RIN3: variants seen among roughly 807,000 people sequenced by gnomAD.
RIN3 encodes Ras and Rab interactor 3.
In RIN3, 54 loss-of-function variants were observed where a neutral mutation model predicts 76.3. That is an observed-to-expected ratio of 0.71 (90% confidence interval 0.57 to 0.89). RIN3 has a LOEUF of 0.89. RIN3 is among the 40% of genes least tolerant of loss of function. The pLI is 0.00. For missense variants in RIN3, 1,256 were observed against 1,322.1 expected (o/e 0.95, Z 0.78); for synonymous variants, 576 against 564.0 (o/e 1.02, Z -0.30).
At chr14:92,647,985 G>A in intron 5 of RIN3, among the ~76,000 whole-genome samples, 1 of 152,080 alleles carries the variant, frequency 6.6e-6, no homozygotes, top group Non-Finnish European at 1.5e-5. Flanking sequence ...TTGGGGACTG[G>A]ACCCCACAGC....
At chr14:92,531,439 G>T (rs1240520053) in intron 1 of RIN3, among the ~76,000 whole-genome samples, 1 of 152,196 alleles carries the variant, frequency 6.6e-6, no homozygotes, top group African/African-American at 2.4e-5. Flanking sequence ...TCTGATGGGG[G>T]CAGGTGGACA....
intron 1 of RIN3, among the ~76,000 whole-genome samples, chr14:92,546,706 G>A (rs1897274694): frequency 7.2e-6 from 1 of 139,354 alleles, no homozygotes; most frequent in African/African-American, 2.5e-5. Context: ...TTCATTCTCT[G>A]GGGAGCTTTG....
rs1410361225 is a variant in RIN3 at position 92,561,044 on chromosome 14, A to ATATATATATATAT, written c.249+5089_249+5090insTATATATATATAT. Among the ~76,000 whole-genome samples the ATATATATATATAT allele has an allele frequency of 2.3e-3, 56 of 24,380 alleles. 3 individuals are homozygous for ATATATATATATAT. The highest frequency in any genetic ancestry group is 5.6e-3 in the East Asian group (3 of 540). The allele number at this position is 24,380 out of a possible 152,430, so 16.0% of individuals were successfully genotyped here. ...CTAAAAAAAAAAAAAAAAAAAAAAA[A>ATATATATATATAT]ATATATATATATCTGCCATATATAT... is the stretch of plus-strand genomic sequence containing the variant. On this transcript the variant is annotated intron_variant, in intron 2 of 9. Transcript: ENST00000216487.
intron 4 of RIN3, among the ~76,000 whole-genome samples, chr14:92,628,324 A>T (rs1240438498): frequency 6.6e-6 from 1 of 152,208 alleles, no homozygotes; most frequent in Non-Finnish European, 1.5e-5. Context: ...TTGGGGGTCA[A>T]GCAGCATTGC....
At chr14:92,624,106 G>A (rs909625739) in intron 4 of RIN3, among the ~76,000 whole-genome samples, 2 of 152,178 alleles carry the variant, frequency 1.3e-5, no homozygotes, top group Non-Finnish European at 2.9e-5. Context: ...GACTGCGAAC[G>A]GAATATTCAA....
At chr14:92,597,128 C>T (rs1418092258) in intron 3 of RIN3, among the ~76,000 whole-genome samples, 2 of 151,814 alleles carry the variant, frequency 1.3e-5, no homozygotes, top group South Asian at 2.1e-4. Context: ...TTGCGAAAAG[C>T]ATGATGTGTG....
At chr14:92,619,830 C>A (rs1222311633) in intron 4 of RIN3, among the ~76,000 whole-genome samples, 2 of 152,106 alleles carry the variant, frequency 1.3e-5, no homozygotes, top group African/African-American at 4.8e-5. Flanking sequence ...AGAAGCGTGG[C>A]CAACTCCGCA....
chr14:92,604,909 CTTTTT>C (rs148326639), intron 3 of RIN3, among the ~76,000 whole-genome samples: 5 of 90,050 alleles, frequency 5.6e-5, no homozygotes, highest in African/African-American at 2.0e-4. Context: ...CCATTTTCCT[CTTTTT>C]TTTTTTTTTT....
chr14:92,557,043 G>A (rs1897606607), intron 2 of RIN3, among the ~76,000 whole-genome samples: 1 of 152,090 alleles, frequency 6.6e-6, no homozygotes, highest in Non-Finnish European at 1.5e-5. Context: ...CCCTCCTGCA[G>A]CCCCGTAACC....
chr14:92,555,984 G>A, intron 2 of RIN3, 29 bp downstream of exon 2: 2 of 1,592,324 alleles, frequency 1.3e-6, no homozygotes, highest in Non-Finnish European at 1.7e-6. Flanking sequence ...CACTTGGTAG[G>A]CACACACACC....
In RIN3 at chr14:92,623,225, G is replaced by T. The variant is rs1020014332; in HGVS notation, c.440+7746G>T. ...AAGACCTTGTAAAGCTTTTGTAATTGTTCCATCAGGAGCTGTATTGTTGGG... is the reference window on the plus strand; with the variant it reads ...AAGACCTTGTAAAGCTTTTGTAATTTTTCCATCAGGAGCTGTATTGTTGGG... On this transcript the variant is annotated intron_variant, in intron 4 of 9. Coordinates refer to ENST00000216487, the MANE Select transcript of RIN3 (RefSeq NM_024832.5). This position sits in a 1 kb window ranked among gnomAD's most constrained non-coding sequence, Gnocchi z 4.9. Among the ~76,000 whole-genome samples the T allele has an allele frequency of 1.3e-5, 2 of 152,182 alleles. No homozygotes were observed. The highest frequency in any genetic ancestry group is 2.9e-5 in the Non-Finnish European group (2 of 68,042).
intron 4 of RIN3, 118 bp downstream of exon 4, chr14:92,615,597 A>G: frequency 1.2e-6 from 1 of 848,072 alleles, no homozygotes; most frequent in Non-Finnish European, 2.0e-6. Flanking sequence ...GGCCCAGAGG[A>G]TGCAGAGAGA....
intron 1 of RIN3, among the ~76,000 whole-genome samples, chr14:92,535,831 C>T (rs561507819): frequency 7.0e-4 from 98 of 140,088 alleles, no homozygotes; most frequent in East Asian, 1.8e-3. Flanking sequence ...TGTGCCACCA[C>T]GCCTGGCTAC....
In RIN3 at chr14:92,685,454, C is replaced by T. The variant is rs1327827697; in HGVS notation, c.2631+304C>T. On this transcript the variant is annotated intron_variant, in intron 9 of 9. Coordinates refer to ENST00000216487, the MANE Select transcript of RIN3 (RefSeq NM_024832.5). This position sits in a 1 kb window ranked among gnomAD's most constrained non-coding sequence, Gnocchi z 4.7. ...CTTAGCCCCTCCTAGGACCCAGCAC[C>T]CTGCAGGGGCTGGAGATGGGGACTT... 11 of 308,172 alleles carry T rather than the reference C, an allele frequency of 3.6e-5. No individual in the cohort carries two copies. Among genetic ancestry groups the T allele is most frequent in the Non-Finnish European group, 5.5e-5 (9 of 162,684 alleles). 19.1% of individuals were successfully genotyped at this position (308,172 alleles called of 1,614,324 possible).
Position 92,652,837 on chromosome 14 carries a change from C to A in RIN3, c.1788C>A (p.Ser596=). 1 of 1,614,078 alleles carries A rather than the reference C, an allele frequency of 6.2e-7. No individual in the cohort carries two copies. Among genetic ancestry groups the A allele is most frequent in the East Asian group, 2.2e-5 (1 of 44,886 alleles). The part of the protein sequence containing the change: ...SFSSMFHAFL[S]NNRKLYKKVV... ...GCAGCATGTTCCACGCTTTCCTCTCCAACAACCGCAAGCTGTACAAGAAGG... is the reference window on the plus strand; with the variant it reads ...GCAGCATGTTCCACGCTTTCCTCTCAAACAACCGCAAGCTGTACAAGAAGG... The change falls in exon 6 of 10, where the codon TCC becomes TCA. Residue 596 remains serine, a synonymous_variant. Transcript: ENST00000216487. The surrounding 1 kb of genome is among the most constrained non-coding windows in gnomAD (Gnocchi z 6.4).
intron 7 of RIN3, among the ~76,000 whole-genome samples, chr14:92,668,536 CA>C (rs1888186132): frequency 6.6e-6 from 1 of 152,192 alleles, no homozygotes; most frequent in South Asian, 2.1e-4. Context: ...AGCATCTGTG[CA>C]AAGTGCAAGC....
chr14:92,637,477 C>T (rs115005142), intron 4 of RIN3, among the ~76,000 whole-genome samples: 4,338 of 152,178 alleles, frequency 0.029, 160 homozygotes, highest in African/African-American at 0.086. Flanking sequence ...CTGTGCAGCT[C>T]GGTTCCTGAC....
chr14:92,540,964 A>T (rs1212950746), intron 1 of RIN3, among the ~76,000 whole-genome samples: 1 of 152,236 alleles, frequency 6.6e-6, no homozygotes, highest in Non-Finnish European at 1.5e-5. Flanking sequence ...GCATTCTTTC[A>T]GTCGAGCCTT....
chr14:92,586,865 TCCACC>T (rs1884795638), intron 3 of RIN3, among the ~76,000 whole-genome samples: 1 of 152,152 alleles, frequency 6.6e-6, no homozygotes, highest in South Asian at 2.1e-4. Context: ...CTCAGGGAAA[TCCACC>T]CAGGCCTACT....
Sources: gnomAD v4.1 joint callset for allele counts (sites outside exome capture counted in the v4.1 genomes callset) on GRCh38, gnomAD v4.1.1 for gene constraint, Gnocchi (gnomAD v3.1) non-coding constraint, MANE v1.5 for transcripts, NCBI Gene and HGNC (gene_info 2026-07-23, HGNC 2026-07-21) for gene names.